OPCML: variants seen among roughly 807,000 people sequenced by gnomAD.
OPCML encodes the protein opioid binding protein/cell adhesion molecule like.
In OPCML, 13 loss-of-function variants were observed where a neutral mutation model predicts 37.8. That is an observed-to-expected ratio of 0.34 (90% CI 0.22 to 0.55). The LOEUF is 0.55. OPCML is among the 20% of genes least tolerant of loss of function. OPCML has a pLI of 0.91. For missense variants in OPCML, 341 were observed against 435.6 expected, an observed-to-expected ratio of 0.78 and a Z score of 1.93; for synonymous variants, 176 against 168.8, an observed-to-expected ratio of 1.04 and a Z score of -0.33.
chr11:132,822,692 A>C (rs1388086171), intron 2 of OPCML, among the ~76,000 whole-genome samples: 2 of 152,152 alleles, frequency 1.3e-5, no homozygotes, highest in African/African-American at 4.8e-5. Flanking sequence ...CCTTAACATT[A>C]CTTGTGATAT....
intron 1 of OPCML, among the ~76,000 whole-genome samples, chr11:133,045,293 A>G (rs1025214897): frequency 6.6e-6 from 1 of 152,188 alleles, no homozygotes; most frequent in Non-Finnish European, 1.5e-5. Flanking sequence ...TTGGCCCTTC[A>G]AGCCAGGGAA....
At chr11:133,004,135 C>T (rs543067953) in intron 1 of OPCML, 47 of 985,376 alleles carry the variant, frequency 4.8e-5, no homozygotes, top group African/African-American at 1.2e-4. Context: ...ATCTCAAAAG[C>T]GGGAGCAGGC....
At chr11:133,172,216 A>G (rs993408234) in intron 1 of OPCML, among the ~76,000 whole-genome samples, 8 of 152,180 alleles carry the variant, frequency 5.3e-5, no homozygotes, top group South Asian at 2.1e-4. Flanking sequence ...GGCTCTGGGG[A>G]CACGAGGTGA....
chr11:132,842,522 G>C (rs1038186608), intron 2 of OPCML, among the ~76,000 whole-genome samples: 1 of 152,200 alleles, frequency 6.6e-6, no homozygotes, highest in African/African-American at 2.4e-5. Context: ...GGAAGCAGTA[G>C]CCCTTGCAGC....
chr11:133,193,898 T>C (rs1040341166), intron 1 of OPCML, among the ~76,000 whole-genome samples: 3 of 152,178 alleles, frequency 2.0e-5, no homozygotes, highest in African/African-American at 4.8e-5. Context: ...ATGTCCTATA[T>C]GCCCCATAAT....
intron 1 of OPCML, among the ~76,000 whole-genome samples, chr11:133,207,398 A>G (rs931433146): frequency 5.9e-5 from 9 of 152,190 alleles, no homozygotes; most frequent in Non-Finnish European, 1.2e-4. Flanking sequence ...GAGGGTAACA[A>G]TTGAATATCA....
rs534283851 is a variant in OPCML, at chr11:133,251,521, C to A, written c.61+280743G>T. Among the ~76,000 whole-genome samples, 3 of 151,722 alleles carry A rather than the reference C, an allele frequency of 2.0e-5. No homozygotes were observed. The South Asian group carries it at 6.3e-4, about 32-fold the overall frequency. On this transcript the variant is annotated intron_variant, in intron 1 of 7. Transcript: ENST00000524381. The stretch of plus-strand genomic sequence containing the variant: ...AGCTTGGAACATTTTTCCTTTACCC[C>A]CTTCAAGTGTGTACAAGAACCAGAT...
intron 3 of OPCML, among the ~76,000 whole-genome samples, chr11:132,629,272 C>T (rs543773952): frequency 6.6e-6 from 1 of 152,274 alleles, no homozygotes; most frequent in South Asian, 2.1e-4. Flanking sequence ...CATGTCCTAC[C>T]ATATCTAATT....
intron 2 of OPCML, among the ~76,000 whole-genome samples, chr11:132,936,706 A>G (rs116150149): frequency 1.0e-3 from 152 of 152,272 alleles, no homozygotes; most frequent in African/African-American, 3.6e-3. Flanking sequence ...CACAGCTTCA[A>G]TGTTCATTTC....
intron 3 of OPCML, among the ~76,000 whole-genome samples, chr11:132,552,199 T>C (rs1339037944): frequency 6.6e-6 from 1 of 152,232 alleles, no homozygotes; most frequent in African/African-American, 2.4e-5. Context: ...TGCTGCCGTT[T>C]TGGGAACCAC....
At chr11:133,061,593 T>C (rs1948342151) in intron 1 of OPCML, among the ~76,000 whole-genome samples, 1 of 152,342 alleles carries the variant, frequency 6.6e-6, no homozygotes, top group African/African-American at 2.4e-5. Context: ...TGAGCTCTCA[T>C]GTATATTTCA....
intron 4 of OPCML, among the ~76,000 whole-genome samples, chr11:132,473,363 C>T (rs890461729): frequency 3.3e-5 from 5 of 152,192 alleles, no homozygotes; most frequent in African/African-American, 9.7e-5. Flanking sequence ...GGGAAAGACC[C>T]AATCTGTAAG....
At chr11:132,761,229 C>CT (rs71067393) in intron 2 of OPCML, among the ~76,000 whole-genome samples, 9,493 of 122,528 alleles carry the variant, frequency 0.077, 701 homozygotes, top group African/African-American at 0.2. Flanking sequence ...CTGCGCTTAA[C>CT]TTTTTTTTTT....
chr11:132,635,256 TC>T (rs1442447994), intron 3 of OPCML, among the ~76,000 whole-genome samples: 4 of 151,686 alleles, frequency 2.6e-5, no homozygotes, highest in South Asian at 2.1e-4. Context: ...TATAATACAA[TC>T]CCCCCCATTG....
At chr11:132,456,936 A>G (rs1774032234) in intron 4 of OPCML, among the ~76,000 whole-genome samples, 1 of 152,086 alleles carries the variant, frequency 6.6e-6, no homozygotes, top group South Asian at 2.1e-4. Flanking sequence ...TCAGGCAATC[A>G]CTCCCTTCAG....
intron 2 of OPCML, among the ~76,000 whole-genome samples, chr11:132,879,140 A>T (rs1254963607): frequency 1.3e-5 from 2 of 152,250 alleles, no homozygotes; most frequent in Non-Finnish European, 2.9e-5. Context: ...TGTCTAAAAC[A>T]AAGCACAATG....
In OPCML at chr11:133,082,138, G is replaced by T. The variant is rs1591984082; in HGVS notation, c.62-139128C>A. On this transcript the variant is annotated intron_variant, in intron 1 of 7. Transcript: ENST00000524381. ...CTCCCGGCTCAGGGACCCCTCCCCA[G>T]GCCAAGGGCAGGACAAGCCCGGGCC... is the stretch of plus-strand genomic sequence containing the variant. Among the ~76,000 whole-genome samples the T allele has an allele frequency of 2.0e-5, 3 of 151,632 alleles. No homozygotes were observed. The South Asian group carries it at 6.2e-4, about 32-fold the overall frequency.
At chr11:132,824,771 A>C (rs972751672) in intron 2 of OPCML, among the ~76,000 whole-genome samples, 8 of 152,180 alleles carry the variant, frequency 5.3e-5, no homozygotes, top group Non-Finnish European at 7.3e-5. Flanking sequence ...ACAACAACAA[A>C]AAAATCAACC....
At chr11:133,445,776 G>T (rs1192665584) in intron 1 of OPCML, among the ~76,000 whole-genome samples, 2 of 152,144 alleles carry the variant, frequency 1.3e-5, no homozygotes, top group Non-Finnish European at 2.9e-5. Flanking sequence ...GCAAAGATTG[G>T]CTCAAGGATT....
Sources: gnomAD v4.1 joint callset for allele counts (sites outside exome capture counted in the v4.1 genomes callset) on GRCh38, gnomAD v4.1.1 for gene constraint, MANE v1.5 for transcripts, NCBI Gene and HGNC (gene_info 2026-07-23, HGNC 2026-07-21) for gene names.